Variants in RPGRIP1L observed in about 807,000 individuals in gnomAD.
RPGRIP1L encodes the protein RPGRIP1 like, also known as protein fantom.
A neutral mutation model predicts 160.4 loss-of-function variants in RPGRIP1L; 131 were observed. The ratio of observed to expected loss-of-function variants is 0.82; its 90% CI spans 0.71 to 0.94. The LOEUF (loss-of-function observed/expected upper bound fraction) is 0.94, where lower values mean the gene tolerates loss of function less well. Among genes scored for constraint, RPGRIP1L ranks in the 40% least tolerant of loss-of-function variants. RPGRIP1L has a pLI of 0.00. For synonymous variants in RPGRIP1L, 510 were observed against 515.8 expected (o/e 0.99, Z 0.15); for missense variants, 1,522 against 1,535.8 (o/e 0.99, Z 0.15).
At position 53,692,285 on chromosome 16, in the gene RPGRIP1L, G is replaced by A. The variant is rs547189939; in HGVS notation, c.310C>T (p.Arg104Ter). ...RVGGGPKRLG[R>*]DVEMEEMIEQ... ...ATCATTTCTTCCATTTCCACATCTC[G>A]TCCCAGCCGCTTGGGGCCGCCACCA... is the stretch of plus-strand genomic sequence containing the variant. The change falls in exon 4 of 27, where the codon CGA (arginine) becomes TGA (stop). Residue 104 changes from arginine (R) to a stop codon, truncating the protein, a stop_gained. Coordinates refer to ENST00000647211, the MANE Select transcript of RPGRIP1L (RefSeq NM_015272.5). LOFTEE classifies it high-confidence loss of function. 5.6e-6 allele frequency: 9 copies of A among 1,613,906 alleles called. No individual in the cohort carries two copies. Among genetic ancestry groups the A allele is most frequent in the African/African-American group, 4.0e-5 (3 of 74,942 alleles).
At chr16:53,679,326 T>C (rs1350870624) in intron 6 of RPGRIP1L, among the ~76,000 whole-genome samples, 4 of 152,136 alleles carry the variant, frequency 2.6e-5, no homozygotes, top group South Asian at 2.1e-4. Flanking sequence ...CTCATCTTCT[T>C]ATAGGGACCA....
intron 2 of RPGRIP1L, among the ~76,000 whole-genome samples, chr16:53,698,717 G>T (rs1343728707): frequency 1.4e-5 from 2 of 141,276 alleles, no homozygotes; most frequent in African/African-American, 2.6e-5. Flanking sequence ...GGAGGGAGGT[G>T]GGGGGGTCAG....
In RPGRIP1L at chr16:53,605,497, A is replaced by C. The variant is rs1244061656; in HGVS notation, c.3819T>G (p.Ile1273Met). The C allele has an allele frequency of 1.1e-5, 18 of 1,614,050 alleles. No homozygotes were observed. Among genetic ancestry groups the C allele is most frequent in the Non-Finnish European group, 1.4e-5 (16 of 1,180,044 alleles). Residue 1273 changes from isoleucine to methionine, a missense_variant, in exon 26 of 27, where the codon ATT (isoleucine) becomes ATG (methionine). Physicochemically the swap from Ile to Met is conservative, Grantham distance 10. Transcript: ENST00000647211. ...CACCCATACCATCGATATTTTGCTC[A>C]ATGAGGTCCCTCCCTTCCTGAAACA... The part of the protein sequence containing the change: ...ADMFQEGRDL[I>M]EQNIDVFDAR...
intron 6 of RPGRIP1L, among the ~76,000 whole-genome samples, chr16:53,677,070 T>G (rs535136387): frequency 1.3e-5 from 2 of 152,324 alleles, no homozygotes; most frequent in East Asian, 3.9e-4. Flanking sequence ...TAAATTTTTT[T>G]GTAAGGCAGA....
chr16:53,602,689 G>A (rs1225000172), intron 26 of RPGRIP1L, among the ~76,000 whole-genome samples: 1 of 151,716 alleles, frequency 6.6e-6, no homozygotes, highest in African/African-American at 2.4e-5. Context: ...CAGGAGAATC[G>A]CCTGAACTCG....
At chr16:53,607,895 A>G (rs1963784476) in intron 25 of RPGRIP1L, 2 of 597,578 alleles carry the variant, frequency 3.3e-6, no homozygotes, top group Non-Finnish European at 2.1e-6. Flanking sequence ...TAACGAAAAG[A>G]CACACACACA....
At chr16:53,651,320 A>G (rs370589848) in intron 15 of RPGRIP1L, among the ~76,000 whole-genome samples, 1 of 152,198 alleles carries the variant, frequency 6.6e-6, no homozygotes, top group South Asian at 2.1e-4. Flanking sequence ...TTTCATTACC[A>G]TCTTAATCCA....
chr16:53,695,980 G>T (rs1307093591), intron 3 of RPGRIP1L, 171 bp downstream of exon 3: 1 of 621,362 alleles, frequency 1.6e-6, no homozygotes. Flanking sequence ...TAATCTTTTT[G>T]GTTTATTATT....
chr16:53,678,485 G>A (rs1226761274), intron 6 of RPGRIP1L, among the ~76,000 whole-genome samples: 2 of 152,136 alleles, frequency 1.3e-5, no homozygotes, highest in South Asian at 2.1e-4. Flanking sequence ...TAATATGAAA[G>A]CTTAAGAAGC....
chr16:53,606,269 A>G (rs1431594999), intron 25 of RPGRIP1L, among the ~76,000 whole-genome samples: 1 of 152,242 alleles, frequency 6.6e-6, no homozygotes, highest in Non-Finnish European at 1.5e-5. Flanking sequence ...GATTTGAATT[A>G]GTGGCTTGTG....
At chr16:53,681,883 C>A (rs1161723488) in intron 6 of RPGRIP1L, among the ~76,000 whole-genome samples, 2 of 152,152 alleles carry the variant, frequency 1.3e-5, no homozygotes, top group African/African-American at 4.8e-5. Flanking sequence ...CCAGATCAGA[C>A]TTCTAGAATT....
chr16:53,649,843 C>G lies in RPGRIP1L; in HGVS notation c.2153-728G>C, dbSNP rs183923866. 2.0e-5 allele frequency among the ~76,000 whole-genome samples: 3 copies of G among 152,162 alleles called. No individual in the cohort carries two copies. In the South Asian group the frequency reaches 6.2e-4, roughly 32 times the overall value. ...TGTTTACCAGCCTATTTCTCTAATA[C>G]GCCATAAGTTTCTTGAGAGCAAGGG... is the stretch of plus-strand genomic sequence containing the variant. On this transcript the variant is annotated intron_variant, in intron 15 of 26. Coordinates refer to ENST00000647211, the MANE Select transcript of RPGRIP1L (RefSeq NM_015272.5).
At chr16:53,693,125 G>A (rs955709826) in intron 3 of RPGRIP1L, among the ~76,000 whole-genome samples, 6 of 152,144 alleles carry the variant, frequency 3.9e-5, no homozygotes, top group African/African-American at 7.2e-5. Context: ...ATACACGTAC[G>A]GAAAACATGC....
chr16:53,697,499 T>A (rs1326155619), intron 2 of RPGRIP1L, among the ~76,000 whole-genome samples: 1 of 152,106 alleles, frequency 6.6e-6, no homozygotes, highest in Non-Finnish European at 1.5e-5. Flanking sequence ...GTGCCTGCGA[T>A]TGCAGGCGCA....
rs182219969 is a variant in RPGRIP1L at position 53,665,173 on chromosome 16, G to A, written c.1104-164C>T. ...TGTTGAAACCAAGGCGCCTTTCTCA[G>A]GCTGCGGTTAGGGAACATGAAAGAG... On this transcript the variant is annotated intron_variant, in intron 9 of 26. Coordinates refer to ENST00000647211, the MANE Select transcript of RPGRIP1L (RefSeq NM_015272.5). Among the ~76,000 whole-genome samples, 114 of 152,282 alleles carry A rather than the reference G, an allele frequency of 7.5e-4. No homozygotes were observed. In the East Asian group the frequency reaches 0.02, roughly 27 times the overall value.
chr16:53,625,428 G>T (rs1184257220), intron 22 of RPGRIP1L, among the ~76,000 whole-genome samples: 2 of 148,436 alleles, frequency 1.3e-5, no homozygotes, highest in African/African-American at 2.5e-5. Context: ...CCGTCTGGGG[G>T]GTGGGGTGGG....
At chr16:53,682,568 C>T (rs1969688589) in intron 6 of RPGRIP1L, among the ~76,000 whole-genome samples, 2 of 150,514 alleles carry the variant, frequency 1.3e-5, no homozygotes, top group Admixed American at 6.6e-5. Context: ...CCACCTTACA[C>T]TAAACTTGAG....
intron 22 of RPGRIP1L, among the ~76,000 whole-genome samples, chr16:53,634,468 T>C (rs910231946): frequency 6.6e-6 from 1 of 152,182 alleles, no homozygotes; most frequent in Non-Finnish European, 1.5e-5. Context: ...GGTATGAATA[T>C]GGTTTGTTCG....
chr16:53,641,005 A>G, intron 19 of RPGRIP1L, 28 bp downstream of exon 19: 1 of 1,484,508 alleles, frequency 6.7e-7, no homozygotes, highest in Non-Finnish European at 9.4e-7. Context: ...TTATGAAAAA[A>G]TCAGTATTTT....
Sources: allele counts gnomAD v4.1 joint callset (sites outside exome capture counted in the v4.1 genomes callset), GRCh38; gene constraint gnomAD v4.1.1; transcripts MANE v1.5; gene names NCBI Gene and HGNC (gene_info 2026-07-23, HGNC 2026-07-21).